VPS39: variants seen among roughly 807,000 people sequenced by gnomAD.
VPS39 encodes the protein vam6/Vps39-like protein.
A neutral mutation model predicts 121.0 loss-of-function variants in VPS39; 70 were observed. The ratio of observed to expected loss-of-function variants is 0.58; its 90% CI spans 0.48 to 0.71. The LOEUF (loss-of-function observed/expected upper bound fraction) is 0.71, where lower values mean the gene tolerates loss of function less well. Ranked by LOEUF, VPS39 falls within the 30% of genes least tolerant of loss-of-function variation. The pLI, the probability that VPS39 is intolerant of heterozygous loss-of-function variation, is 0.00. For missense variants in VPS39, 818 were observed against 1,051.5 expected (o/e 0.78, Z 3.07); for synonymous variants, 378 against 398.1 (o/e 0.95, Z 0.60).
chr15:42,201,338 G>C (rs1248826134), intron 1 of VPS39, among the ~76,000 whole-genome samples: 21 of 152,074 alleles, frequency 1.4e-4, no homozygotes, highest in Admixed American at 1.4e-3. Context: ...ACCACGTTCA[G>C]CTATTTTTTA....
chr15:42,165,484 A>AT (rs932294685), intron 17 of VPS39: 471 of 473,962 alleles, frequency 9.9e-4, no homozygotes, highest in Middle Eastern at 1.6e-3. Flanking sequence ...TGGCTTTGGA[A>AT]TTTTTTTTTC....
chr15:42,191,425 T>C (rs964239452), intron 3 of VPS39, 71 bp downstream of exon 3: 13 of 1,459,552 alleles, frequency 8.9e-6, no homozygotes, highest in African/African-American at 1.4e-5. Context: ...TAAATAACAT[T>C]ACCAAAGTTC....
At chr15:42,204,263 T>C (rs115280895) in intron 1 of VPS39, among the ~76,000 whole-genome samples, 1,976 of 152,354 alleles carry the variant, frequency 0.013, 51 homozygotes, top group African/African-American at 0.046. Flanking sequence ...TAGAATCACC[T>C]GGACTTATTA....
intron 18 of VPS39, 42 bp downstream of exon 18, chr15:42,164,954 T>C: frequency 1.9e-6 from 3 of 1,613,244 alleles, no homozygotes; most frequent in Non-Finnish European, 2.5e-6. Flanking sequence ...TGTGCTCTCC[T>C]CTAAGGCCTG....
chr15:42,203,490 T>A (rs1409850866), intron 1 of VPS39, among the ~76,000 whole-genome samples: 1 of 146,702 alleles, frequency 6.8e-6, no homozygotes, highest in Non-Finnish European at 1.5e-5. Flanking sequence ...AAAAAAAAAA[T>A]TAGCCAGGTG....
chr15:42,188,406 G>T (rs773295177), intron 5 of VPS39, among the ~76,000 whole-genome samples: 12 of 152,136 alleles, frequency 7.9e-5, no homozygotes, highest in Admixed American at 2.0e-4. Flanking sequence ...AATAAAGAGC[G>T]ATATCTTTTC....
At chr15:42,165,179 CT>C (rs2049217899) in intron 17 of VPS39, 66 bp from the exon 18 acceptor site, 1 of 1,507,898 alleles carries the variant, frequency 6.6e-7, no homozygotes, top group African/African-American at 1.4e-5. Context: ...CCCAGCCTCC[CT>C]CACATTTTTA....
chr15:42,187,931 T>C, intron 5 of VPS39, 75 bp from the exon 6 acceptor site: 1 of 1,425,398 alleles, frequency 7.0e-7, no homozygotes, highest in East Asian at 2.3e-5. Flanking sequence ...TTAGAGATTG[T>C]CTACCTTGAA....
intron 2 of VPS39, among the ~76,000 whole-genome samples, chr15:42,196,701 C>T (rs1394730262): frequency 6.6e-6 from 1 of 152,110 alleles, no homozygotes; most frequent in Non-Finnish European, 1.5e-5. Flanking sequence ...TGTAGAGAAA[C>T]AGGAACGCTT....
Position 42,192,087 on chromosome 15 carries a change from C to T in VPS39, c.140-527G>A, listed in dbSNP as rs1361772215. 5.9e-6 allele frequency: 9 copies of T among 1,536,436 alleles called. No homozygotes were observed. In the East Asian group the frequency reaches 2.2e-4, roughly 38 times the overall value. On this transcript the variant is annotated intron_variant, in intron 2 of 24. Transcript: ENST00000318006. ...TTACTGCCGCTTTCAGGTGATGCTA[C>T]ATCTGCTGGCACTGTTACAAAAAAG...
At position 42,173,766 on chromosome 15, in the gene VPS39, C is replaced by G. The variant is rs747665889; in HGVS notation, c.1047G>C (p.Lys349Asn). 1 of 1,614,194 alleles carries G rather than the reference C, an allele frequency of 6.2e-7. No individual in the cohort carries two copies. The highest frequency in any genetic ancestry group is 8.5e-7 in the Non-Finnish European group (1 of 1,180,022). The change falls in exon 11 of 25, where the codon AAG (lysine) becomes AAC (asparagine). Residue 349 changes from lysine (K) to asparagine (N), a missense_variant. Physicochemically the swap from Lys to Asn is moderately conservative, Grantham distance 94. Transcript: ENST00000318006. ...AGACCTGCATGGACTCATCAAAACG[C>G]TTCTGGCAGAAGAGGTTGAAGGCAT... ...NLYAFNLFCQ[K>N]RFDESMQVFA...
intron 10 of VPS39, 53 bp downstream of exon 10, chr15:42,178,165 C>A: frequency 6.2e-7 from 1 of 1,606,274 alleles, no homozygotes; most frequent in South Asian, 1.1e-5. Flanking sequence ...AAACCCAAAT[C>A]ACCTACTTTC....
At chr15:42,203,252 T>C (rs2050102790) in intron 1 of VPS39, among the ~76,000 whole-genome samples, 3 of 152,034 alleles carry the variant, frequency 2.0e-5, no homozygotes, top group Non-Finnish European at 2.9e-5. Context: ...GCAGATCACC[T>C]GAGGTCAGGA....
chr15:42,192,273 G>C (rs2049844583), intron 2 of VPS39, among the ~76,000 whole-genome samples: 1 of 151,974 alleles, frequency 6.6e-6, no homozygotes, highest in African/African-American at 2.4e-5. Context: ...CTGGGTTCGG[G>C]GTTTAAAAAT....
intron 2 of VPS39, among the ~76,000 whole-genome samples, chr15:42,195,417 A>T (rs1458032063): frequency 6.6e-6 from 1 of 152,238 alleles, no homozygotes; most frequent in Non-Finnish European, 1.5e-5. Context: ...ACTACAAAAG[A>T]TACAAAAATG....
At chr15:42,179,627 T>A (rs1320157650) in intron 8 of VPS39, among the ~76,000 whole-genome samples, 4 of 136,246 alleles carry the variant, frequency 2.9e-5, no homozygotes, top group African/African-American at 8.1e-5. Flanking sequence ...ATAAATAAAA[T>A]AAAAAATAAA....
At chr15:42,193,851 TA>T (rs35451716) in intron 2 of VPS39, among the ~76,000 whole-genome samples, 18,272 of 120,668 alleles carry the variant, frequency 0.15, 1,763 homozygotes, top group African/African-American at 0.28. Flanking sequence ...CCTTTGTTCA[TA>T]AAAAAAAAAA....
At chr15:42,172,667 C>G (rs1235080672) in intron 11 of VPS39, among the ~76,000 whole-genome samples, 1 of 152,172 alleles carries the variant, frequency 6.6e-6, no homozygotes, top group Non-Finnish European at 1.5e-5. Context: ...GATGGCCCAG[C>G]CTGTCCTGGC....
At chr15:42,206,375 T>C (rs2050171443) in intron 1 of VPS39, among the ~76,000 whole-genome samples, 1 of 152,226 alleles carries the variant, frequency 6.6e-6, no homozygotes, top group Non-Finnish European at 1.5e-5. Flanking sequence ...TGTAACCTAA[T>C]ATGTACCTAA....
Sources: allele counts gnomAD v4.1 joint callset (sites outside exome capture counted in the v4.1 genomes callset), GRCh38; gene constraint gnomAD v4.1.1; transcripts MANE v1.5; gene names NCBI Gene and HGNC (gene_info 2026-07-23, HGNC 2026-07-21).